The following ARL15 variants were observed in gnomAD, a reference collection of about 807,000 sequenced individuals.
The protein encoded by ARL15 is ADP-ribosylation factor-like protein 15.
Under a neutral mutation model 25.2 loss-of-function variants are expected in ARL15, and 19 were observed. The observed-to-expected ratio is 0.75, with a 90% CI of 0.53 to 1.10. ARL15 has a LOEUF of 1.10. ARL15 is among the 50% of genes least tolerant of loss of function. ARL15 has a pLI of 0.00. For missense variants in ARL15, 220 were observed against 246.0 expected (o/e 0.89, Z 0.71); for synonymous variants, 94 against 86.8 (o/e 1.08, Z -0.46).
rs1226352579 is a variant in ARL15 at position 53,945,753 on chromosome 5, A to G, written c.463-59040T>C. Among the ~76,000 whole-genome samples, 4 of 152,216 alleles carry G rather than the reference A, an allele frequency of 2.6e-5. No homozygotes were observed. In the East Asian group the frequency reaches 7.7e-4, roughly 29 times the overall value. On this transcript the variant is annotated intron_variant, in intron 4 of 4. Transcript: ENST00000504924. Reference sequence around the variant, plus strand: ...AAACTTGAAATATATGGCCATTGCTATTAAATGTAAAGTCAAGTAAATTTA... The same window carrying G: ...AAACTTGAAATATATGGCCATTGCTGTTAAATGTAAAGTCAAGTAAATTTA...
At chr5:54,093,377 T>G (rs1752189681) in intron 4 of ARL15, among the ~76,000 whole-genome samples, 1 of 152,180 alleles carries the variant, frequency 6.6e-6, no homozygotes, top group South Asian at 2.1e-4. Context: ...TGGCCTGACA[T>G]GAACCGAGAA....
chr5:54,048,632 A>G (rs1750608510), intron 4 of ARL15, among the ~76,000 whole-genome samples: 1 of 151,568 alleles, frequency 6.6e-6, no homozygotes. Flanking sequence ...CGAACTCCTG[A>G]CCTCAAGTGA....
At chr5:54,303,083 C>A (rs1758654376) in intron 1 of ARL15, among the ~76,000 whole-genome samples, 2 of 152,042 alleles carry the variant, frequency 1.3e-5, no homozygotes, top group Non-Finnish European at 2.9e-5. Context: ...GAAATAAATC[C>A]TTTTATAAAG....
intron 1 of ARL15, among the ~76,000 whole-genome samples, chr5:54,184,521 T>C (rs1295017087): frequency 2.3e-5 from 3 of 132,034 alleles, no homozygotes; most frequent in Non-Finnish European, 3.2e-5. Flanking sequence ...TGGATTTAAA[T>C]ATCACCACAA....
chr5:54,117,180 A>T (rs560030962), intron 3 of ARL15, among the ~76,000 whole-genome samples: 2 of 152,230 alleles, frequency 1.3e-5, no homozygotes, highest in South Asian at 4.1e-4. Context: ...AAATACATCC[A>T]CACATTAGAT....
intron 1 of ARL15, among the ~76,000 whole-genome samples, chr5:54,289,353 T>C (rs1171481701): frequency 6.9e-6 from 1 of 144,486 alleles, no homozygotes; most frequent in Non-Finnish European, 1.5e-5. Context: ...TGGTGACAAG[T>C]CCTATGAAGA....
In ARL15 at chr5:54,310,522, A is replaced by C. The variant is rs1189207707; in HGVS notation, c.-43T>G. 1.3e-6 allele frequency: 2 copies of C among 1,570,914 alleles called. No homozygotes were observed. The highest frequency in any genetic ancestry group is 1.4e-5 in the African/African-American group (1 of 73,274). On this transcript the variant is annotated 5_prime_UTR_variant, in exon 1 of 5. Coordinates refer to ENST00000504924, the MANE Select transcript of ARL15 (RefSeq NM_019087.3). ...CCGGAACGGCTCCGAACCCGGAAAA[A>C]AAAAGCAGCGTCTCTGGCTGCGAGC... is the stretch of plus-strand genomic sequence containing the variant.
chr5:54,210,239 C>CA lies in ARL15; in HGVS notation c.49-38312dup, dbSNP rs1340711310. Among the ~76,000 whole-genome samples, 3 of 152,316 alleles carry CA rather than the reference C, an allele frequency of 2.0e-5. No individual in the cohort carries two copies. The East Asian group carries it at 5.8e-4, about 29-fold the overall frequency. ...AAATATATTGTAAGATTCTGTGACACAGGCATCATTACCATAAAATCCTCC... is the reference window on the plus strand; with the variant it reads ...AAATATATTGTAAGATTCTGTGACACAAGGCATCATTACCATAAAATCCTCC... On this transcript the variant is annotated intron_variant, in intron 1 of 4. Coordinates refer to ENST00000504924, the MANE Select transcript of ARL15 (RefSeq NM_019087.3).
intron 4 of ARL15, among the ~76,000 whole-genome samples, chr5:53,905,862 C>T (rs1253666763): frequency 6.6e-6 from 1 of 152,118 alleles, no homozygotes; most frequent in African/African-American, 2.4e-5. Flanking sequence ...TGGCATTTGC[C>T]TCTATGTGTC....
chr5:54,174,030 G>A (rs975295521), intron 1 of ARL15, among the ~76,000 whole-genome samples: 2 of 152,040 alleles, frequency 1.3e-5, no homozygotes, highest in African/African-American at 2.4e-5. Context: ...AGCAATTCAC[G>A]TCCAGCTCTA....
intron 4 of ARL15, among the ~76,000 whole-genome samples, chr5:53,991,615 T>C (rs972569300): frequency 6.6e-6 from 1 of 150,898 alleles, no homozygotes; most frequent in African/African-American, 2.4e-5. Flanking sequence ...GCTCTGTAGC[T>C]GACCCTATCA....
chr5:54,249,517 C>G (rs1757184017), intron 1 of ARL15, among the ~76,000 whole-genome samples: 2 of 151,732 alleles, frequency 1.3e-5, no homozygotes, highest in Admixed American at 6.6e-5. Context: ...ACCAATTAAC[C>G]TTGGGAATAA....
intron 4 of ARL15, among the ~76,000 whole-genome samples, chr5:53,966,041 G>C (rs981224407): frequency 1.3e-5 from 2 of 152,008 alleles, no homozygotes; most frequent in African/African-American, 4.8e-5. Context: ...TCTCCAAAAG[G>C]CTGTCTTTTT....
At chr5:54,135,461 A>T (rs1307836020) in intron 3 of ARL15, among the ~76,000 whole-genome samples, 1 of 152,230 alleles carries the variant, frequency 6.6e-6, no homozygotes, top group African/African-American at 2.4e-5. Context: ...GAAGATAATT[A>T]GATTGAAAAG....
intron 4 of ARL15, among the ~76,000 whole-genome samples, chr5:54,058,084 C>T (rs2112018299): frequency 1.3e-5 from 2 of 151,964 alleles, no homozygotes; most frequent in Middle Eastern, 6.8e-3. Context: ...CGGCTCACTG[C>T]AACCTCCGCC....
chr5:54,262,695 G>A (rs2077316167), intron 1 of ARL15, among the ~76,000 whole-genome samples: 1 of 152,030 alleles, frequency 6.6e-6, no homozygotes, highest in South Asian at 2.1e-4. Flanking sequence ...GCCCCTTCTT[G>A]TACTCCTCAT....
intron 4 of ARL15, among the ~76,000 whole-genome samples, chr5:54,060,586 G>A (rs2112028342): frequency 1.3e-5 from 2 of 152,296 alleles, no homozygotes; most frequent in African/African-American, 4.8e-5. Context: ...CCAGCCATGT[G>A]GAACTGTAAG....
chr5:54,257,801 C>G (rs1324174238), intron 1 of ARL15, among the ~76,000 whole-genome samples: 3 of 152,088 alleles, frequency 2.0e-5, no homozygotes, highest in Admixed American at 2.0e-4. Flanking sequence ...GGAGGCAAAA[C>G]AGGGATAGGT....
At chr5:53,912,072 G>A (rs555547583) in intron 4 of ARL15, 4 of 151,608 alleles carry the variant, frequency 2.6e-5, no homozygotes, top group Non-Finnish European at 4.4e-5. Context: ...CAGGAGCCAC[G>A]CTAATCTCTG....
Sources: gnomAD v4.1 joint callset for allele counts (sites outside exome capture counted in the v4.1 genomes callset) on GRCh38, gnomAD v4.1.1 for gene constraint, MANE v1.5 for transcripts, NCBI Gene and HGNC (gene_info 2026-07-23, HGNC 2026-07-21) for gene names.